The following ANAPC10 variants were observed in gnomAD, a reference collection of about 807,000 sequenced individuals.
ANAPC10 encodes anaphase promoting complex subunit 10.
ANAPC10 carries 12 observed loss-of-function variants against 22.0 expected under a neutral mutation model. The observed-to-expected ratio is 0.55, with a 90% CI of 0.35 to 0.88. The LOEUF is 0.88. Among genes scored for constraint, ANAPC10 ranks in the 40% least tolerant of loss-of-function variants. The pLI is 0.01. For missense variants in ANAPC10, 188 were observed against 220.9 expected (o/e 0.85, Z 0.94); for synonymous variants, 65 against 69.5 (o/e 0.94, Z 0.32).
At chr4:145,037,667 C>T (rs985185660) in intron 4 of ANAPC10, among the ~76,000 whole-genome samples, 5 of 152,046 alleles carry the variant, frequency 3.3e-5, no homozygotes, top group African/African-American at 9.7e-5. Flanking sequence ...CAGATGAAGG[C>T]GAGGCACAAT....
chr4:145,021,356 C>T (rs1735935219), intron 4 of ANAPC10, among the ~76,000 whole-genome samples: 1 of 152,004 alleles, frequency 6.6e-6, no homozygotes, highest in Admixed American at 6.6e-5. Context: ...GAGTAGAGAA[C>T]CCATAAATAA....
chr4:145,071,415 T>C (rs1450018035), intron 3 of ANAPC10, among the ~76,000 whole-genome samples: 1 of 151,900 alleles, frequency 6.6e-6, no homozygotes, highest in Non-Finnish European at 1.5e-5. Flanking sequence ...TCAAAATAAA[T>C]AAATAAATAA....
chr4:145,090,196 C>T (rs962768087), intron 2 of ANAPC10, among the ~76,000 whole-genome samples: 7 of 152,076 alleles, frequency 4.6e-5, no homozygotes, highest in Non-Finnish European at 1.0e-4. Flanking sequence ...TAAAATGGCT[C>T]CTCTTGTATA....
intron 4 of ANAPC10, among the ~76,000 whole-genome samples, chr4:145,014,187 G>A (rs1734762706): frequency 6.6e-6 from 1 of 152,004 alleles, no homozygotes; most frequent in Admixed American, 6.5e-5. Flanking sequence ...TGGGTACCAT[G>A]GGGCAAGTTC....
chr4:145,058,985 T>TA (rs1405607672), intron 4 of ANAPC10, among the ~76,000 whole-genome samples: 1 of 152,148 alleles, frequency 6.6e-6, no homozygotes, highest in Non-Finnish European at 1.5e-5. Flanking sequence ...ACTACTTTTT[T>TA]AAAAAAATCT....
intron 4 of ANAPC10, among the ~76,000 whole-genome samples, chr4:145,048,277 T>G (rs1740621077): frequency 6.6e-6 from 1 of 152,154 alleles, no homozygotes; most frequent in Non-Finnish European, 1.5e-5. Context: ...GGTAATGTCC[T>G]TGTGCTAACC....
At chr4:145,021,404 C>T (rs1157473465) in intron 4 of ANAPC10, among the ~76,000 whole-genome samples, 1 of 151,800 alleles carries the variant, frequency 6.6e-6, no homozygotes, top group Non-Finnish European at 1.5e-5. Context: ...TCAACAACTA[C>T]ACAAAAACAT....
At chr4:145,087,919 G>T (rs143786164) in intron 2 of ANAPC10, among the ~76,000 whole-genome samples, 2,480 of 152,068 alleles carry the variant, frequency 0.016, 68 homozygotes, top group African/African-American at 0.056. Flanking sequence ...GTGGTGGTGC[G>T]CACCTATAAT....
At chr4:145,085,242 G>A (rs996301745) in intron 2 of ANAPC10, among the ~76,000 whole-genome samples, 5 of 152,068 alleles carry the variant, frequency 3.3e-5, no homozygotes, top group African/African-American at 1.2e-4. Context: ...GGGCAACAGT[G>A]CGAGAAACGG....
At chr4:145,012,543 A>C (rs1734508339) in intron 4 of ANAPC10, among the ~76,000 whole-genome samples, 1 of 152,118 alleles carries the variant, frequency 6.6e-6, no homozygotes, top group Non-Finnish European at 1.5e-5. Flanking sequence ...TTAACAGCAG[A>C]TTATACATAC....
chr4:145,097,445 T>C (rs745596190), intron 1 of ANAPC10: 2 of 1,277,458 alleles, frequency 1.6e-6, no homozygotes, highest in South Asian at 2.5e-5. Flanking sequence ...TTACTGCTAC[T>C]GAACATTGTT....
chr4:145,034,567 G>A (rs1431089370), intron 4 of ANAPC10, among the ~76,000 whole-genome samples: 2 of 141,638 alleles, frequency 1.4e-5, no homozygotes, highest in African/African-American at 2.8e-5. Flanking sequence ...GTGTGTGTGT[G>A]TGTGTGTGTA....
Position 145,081,730 on chromosome 4 carries a change from G to C in ANAPC10, c.136C>G (p.Arg46Gly). The change falls in exon 3 of 5, where the codon CGA becomes GGA. Residue 46 changes from arginine to glycine, a missense_variant. By Grantham distance (125) the Arg-to-Gly change is moderately radical. Transcript: ENST00000507656. ...CAATAAGTTTCTAGATTGTCATCTC[G>C]TAACTGATCCACTCCAAATCCTAAA... ...CKPGFGVDQL[R>G]DDNLETYWQS... The C allele has an allele frequency of 1.2e-6, 2 of 1,612,536 alleles. No homozygotes were observed. The highest frequency in any genetic ancestry group is 1.7e-6 in the Non-Finnish European group (2 of 1,179,342).
At chr4:145,012,168 G>A (rs527687432) in intron 4 of ANAPC10, among the ~76,000 whole-genome samples, 4 of 111,496 alleles carry the variant, frequency 3.6e-5, no homozygotes, top group African/African-American at 7.7e-5. Flanking sequence ...ATGTATATGT[G>A]TGTGTGTGTA....
chr4:145,006,733 T>C (rs1416565263), intron 4 of ANAPC10, among the ~76,000 whole-genome samples: 1 of 152,148 alleles, frequency 6.6e-6, no homozygotes, highest in Non-Finnish European at 1.5e-5. Flanking sequence ...GGGATCCTTT[T>C]CAGTTTGAAC....
At chr4:145,090,655 C>A (rs1410261314) in intron 2 of ANAPC10, among the ~76,000 whole-genome samples, 7 of 152,182 alleles carry the variant, frequency 4.6e-5, no homozygotes, top group African/African-American at 1.7e-4. Context: ...CTAGTTTCCT[C>A]ATTTGGAAAA....
At position 144,998,340 on chromosome 4, in the gene ANAPC10, T is replaced by C. The variant is rs1731952094; in HGVS notation, c.328-2737A>G. On this transcript the variant is annotated intron_variant, in intron 4 of 4. Coordinates refer to ENST00000507656, the MANE Select transcript of ANAPC10 (RefSeq NM_001256706.2). The stretch of plus-strand genomic sequence containing the variant: ...GACCATATAGTTGGAAGTAAAGCAC[T>C]CCTCAGCAAATATAAAAGAACAGAA... Among the ~76,000 whole-genome samples the C allele has an allele frequency of 3.9e-5, 6 of 152,160 alleles. No individual in the cohort carries two copies. In the South Asian group the frequency reaches 1.0e-3, roughly 26 times the overall value.
At chr4:145,075,320 ATAACTT>A (rs2126546781) in intron 3 of ANAPC10, among the ~76,000 whole-genome samples, 1 of 152,352 alleles carries the variant, frequency 6.6e-6, no homozygotes, top group South Asian at 2.1e-4. Context: ...ATGTAGAACT[ATAACTT>A]TATATTACAT....
chr4:145,071,269 G>T (rs1475617410), intron 3 of ANAPC10, among the ~76,000 whole-genome samples: 1 of 152,112 alleles, frequency 6.6e-6, no homozygotes, highest in Non-Finnish European at 1.5e-5. Context: ...AGCCAGGCGT[G>T]GTGATGCATG....
Sources: gnomAD v4.1 joint callset for allele counts (sites outside exome capture counted in the v4.1 genomes callset) on GRCh38, gnomAD v4.1.1 for gene constraint, MANE v1.5 for transcripts, NCBI Gene and HGNC (gene_info 2026-07-23, HGNC 2026-07-21) for gene names.